The following CELF1 variants were observed in gnomAD, a reference collection of about 807,000 sequenced individuals.
CELF1 encodes CUGBP Elav-like family member 1.
In CELF1, 10 loss-of-function variants were observed where a neutral mutation model predicts 61.8. The ratio of observed to expected loss-of-function variants is 0.16; its 90% CI spans 0.10 to 0.27. The LOEUF is 0.27. Ranked by LOEUF, CELF1 falls within the 10% of genes least tolerant of loss-of-function variation. The pLI, the probability that CELF1 is intolerant of heterozygous loss-of-function variation, is 1.00. For synonymous variants in CELF1, 236 were observed against 225.1 expected, an observed-to-expected ratio of 1.05 and a Z score of -0.43; for missense variants, 380 against 639.1, an observed-to-expected ratio of 0.59 and a Z score of 4.37.
intron 8 of CELF1, 59 bp downstream of exon 8, chr11:47,483,394 C>G (rs919072205): frequency 5.2e-6 from 7 of 1,358,472 alleles, no homozygotes; most frequent in Non-Finnish European, 7.4e-6. Context: ...ACTTTAATGG[C>G]CAACTGTCCC....
intron 1 of CELF1, among the ~76,000 whole-genome samples, chr11:47,505,425 T>C (rs553062300): frequency 6.6e-6 from 1 of 150,656 alleles, no homozygotes; most frequent in Non-Finnish European, 1.5e-5. Flanking sequence ...CGAGGTCAGA[T>C]CGAGACCACC....
chr11:47,472,134 C>T lies in CELF1; in HGVS notation c.*96G>A. On this transcript the variant is annotated 3_prime_UTR_variant, in exon 15 of 15. Coordinates refer to ENST00000687097, the MANE Select transcript of CELF1 (RefSeq NM_001376376.1). ...GAGTGGCAGGGATCAGGGTCCAGGG[C>T]TGTCAACACACAGCCTCAGGGCTTC... is the stretch of plus-strand genomic sequence containing the variant. 2.8e-6 allele frequency: 4 copies of T among 1,451,644 alleles called. No homozygotes were observed. Among genetic ancestry groups the T allele is most frequent in the Non-Finnish European group, 3.8e-6 (4 of 1,051,476 alleles). The allele number at this position is 1,451,644 out of a possible 1,614,324, so 89.9% of individuals were successfully genotyped here.
At chr11:47,492,247 T>C (rs554094189) in intron 3 of CELF1, among the ~76,000 whole-genome samples, 248 of 152,322 alleles carry the variant, frequency 1.6e-3, no homozygotes, top group Non-Finnish European at 2.7e-3. Context: ...CCCAAAGTGC[T>C]GGGATTATAG....
intron 2 of CELF1, among the ~76,000 whole-genome samples, chr11:47,558,642 ATATAT>A (rs2097214791): frequency 9.2e-6 from 1 of 109,132 alleles, no homozygotes; most frequent in South Asian, 2.5e-4. Context: ...ATAATGTGTA[ATATAT>A]TAGATATAAT....
intron 1 of CELF1, among the ~76,000 whole-genome samples, chr11:47,548,735 G>C (rs1038633584): frequency 4.6e-5 from 7 of 151,604 alleles, no homozygotes; most frequent in African/African-American, 1.7e-4. Flanking sequence ...GCGTGGTAGC[G>C]CATGACTGTA....
Position 47,515,755 on chromosome 11 carries a change from G to A in CELF1, c.-153-14823C>T, listed in dbSNP as rs546165144. 9.2e-5 allele frequency among the ~76,000 whole-genome samples: 14 copies of A among 152,240 alleles called. No homozygotes were observed. The East Asian group carries it at 2.7e-3, about 29-fold the overall frequency. On this transcript the variant is annotated intron_variant, in intron 1 of 14. Transcript: ENST00000687097. Reference sequence around the variant, plus strand: ...TTTCATTCCCATTTTTCAGATGAAGGAACTAAAGGGAAGATAAGGGATTAA... The same window carrying A: ...TTTCATTCCCATTTTTCAGATGAAGAAACTAAAGGGAAGATAAGGGATTAA...
intron 1 of CELF1, among the ~76,000 whole-genome samples, chr11:47,546,029 G>T (rs2096936911): frequency 6.6e-6 from 1 of 151,164 alleles, no homozygotes; most frequent in African/African-American, 2.4e-5. Context: ...TCCTGCCTCA[G>T]CCTCCCAAGT....
intron 10 of CELF1, 126 bp downstream of exon 10, chr11:47,478,751 T>C (rs1379768061): frequency 1.4e-6 from 1 of 695,328 alleles, no homozygotes; most frequent in African/African-American, 1.8e-5. Flanking sequence ...ATGTTTATCC[T>C]AGGTCAGGTT....
At chr11:47,508,016 A>C (rs2153584948) in intron 1 of CELF1, among the ~76,000 whole-genome samples, 1 of 152,334 alleles carries the variant, frequency 6.6e-6, no homozygotes, top group East Asian at 1.9e-4. Context: ...ACTTCATTCA[A>C]TCCTTTATCA....
chr11:47,467,029 A>G lies in CELF1; in HGVS notation c.*5201T>C, dbSNP rs2076785765. 1 of 152,084 alleles carries G rather than the reference A, an allele frequency of 6.6e-6. No homozygotes were observed. The highest frequency in any genetic ancestry group is 1.5e-5 in the Non-Finnish European group (1 of 68,072). The allele number at this position is 152,084 out of a possible 1,614,324, so 9.4% of individuals were successfully genotyped here. On this transcript the variant is annotated 3_prime_UTR_variant, in exon 15 of 15. Coordinates refer to ENST00000687097, the MANE Select transcript of CELF1 (RefSeq NM_001376376.1). ...GCAACCTGCCAGCCCCAGAGCAGAA[A>G]CCCTGCTGGGATCCCTTCCTTCATC...
intron 1 of CELF1, among the ~76,000 whole-genome samples, chr11:47,544,124 A>G (rs2096875425): frequency 6.6e-6 from 1 of 152,248 alleles, no homozygotes; most frequent in South Asian, 2.1e-4. Context: ...CCCTTAAGCC[A>G]CAACAGACAC....
rs376018887 is a variant in CELF1, at chr11:47,538,369, C to T, written c.-154+14623G>A. ...TATATAAATCTCCATTTTGGCTGGG[C>T]GTGGTGGCTCACGCCTCTAATCCCA... On this transcript the variant is annotated intron_variant, in intron 1 of 14. Transcript: ENST00000687097. Among the ~76,000 whole-genome samples, 7 of 152,206 alleles carry T rather than the reference C, an allele frequency of 4.6e-5. No individual in the cohort carries two copies. The South Asian group carries it at 8.3e-4, about 18-fold the overall frequency.
At chr11:47,533,118 T>C (rs1441377129) in intron 1 of CELF1, among the ~76,000 whole-genome samples, 13 of 152,092 alleles carry the variant, frequency 8.5e-5, no homozygotes, top group African/African-American at 3.1e-4. Flanking sequence ...GTTCTGGATC[T>C]GGCAATTCAG....
intron 1 of CELF1, among the ~76,000 whole-genome samples, chr11:47,534,037 T>TC (rs2096566037): frequency 6.9e-6 from 1 of 144,570 alleles, no homozygotes; most frequent in Non-Finnish European, 1.5e-5. Context: ...TTTTTTTTTT[T>TC]TTTTTTTGGA....
intron 1 of CELF1, among the ~76,000 whole-genome samples, chr11:47,511,396 T>C (rs935311672): frequency 4.2e-4 from 11 of 26,258 alleles, no homozygotes; most frequent in East Asian, 2.5e-3. Context: ...ATTCAAACAA[T>C]AGATAATTCA....
intron 1 of CELF1, among the ~76,000 whole-genome samples, chr11:47,519,197 T>TA (rs1190782048): frequency 2.6e-5 from 4 of 152,114 alleles, no homozygotes; most frequent in Non-Finnish European, 5.9e-5. Flanking sequence ...TATCACTTTT[T>TA]AAAAAAAGTT....
At chr11:47,542,319 G>T (rs563348620) in intron 1 of CELF1, among the ~76,000 whole-genome samples, 1 of 152,244 alleles carries the variant, frequency 6.6e-6, no homozygotes, top group Admixed American at 6.5e-5. Flanking sequence ...AGTGAGCTGA[G>T]ATCGCACCAC....
chr11:47,536,326 A>C (rs1352367706), intron 1 of CELF1, among the ~76,000 whole-genome samples: 1 of 152,210 alleles, frequency 6.6e-6, no homozygotes, highest in East Asian at 1.9e-4. Context: ...ACATTGCACC[A>C]CTGTACTCCA....
intron 9 of CELF1, among the ~76,000 whole-genome samples, chr11:47,480,145 A>G (rs891872054): frequency 6.6e-6 from 1 of 151,246 alleles, no homozygotes; most frequent in African/African-American, 2.4e-5. Context: ...CTGGAGTACA[A>G]TGGTGATCTC....
Sources: gnomAD v4.1 joint callset for allele counts (sites outside exome capture counted in the v4.1 genomes callset) on GRCh38, gnomAD v4.1.1 for gene constraint, MANE v1.5 for transcripts, NCBI Gene and HGNC (gene_info 2026-07-23, HGNC 2026-07-21) for gene names.